Variants in MAP2K4 observed in about 807,000 individuals in gnomAD.
MAP2K4 encodes dual specificity mitogen-activated protein kinase kinase 4.
MAP2K4 carries 4 observed loss-of-function variants against 48.5 expected under a neutral mutation model. The ratio of observed to expected loss-of-function variants is 0.08; its 90% confidence interval spans 0.04 to 0.19. The LOEUF (loss-of-function observed/expected upper bound fraction) is 0.19. Ranked by LOEUF, MAP2K4 falls within the 10% of genes least tolerant of loss-of-function variation. The pLI, the probability that MAP2K4 is intolerant of heterozygous loss-of-function variation, is 1.00. For missense variants in MAP2K4, 258 were observed against 493.3 expected, an observed-to-expected ratio of 0.52 and a Z score of 4.52; for synonymous variants, 166 against 173.1, an observed-to-expected ratio of 0.96 and a Z score of 0.32.
intron 7 of MAP2K4, among the ~76,000 whole-genome samples, chr17:12,116,041 C>T (rs948219207): frequency 1.3e-5 from 2 of 152,198 alleles, no homozygotes; most frequent in East Asian, 3.8e-4. Context: ...GTTACATGAA[C>T]TGTGCACTGA....
intron 8 of MAP2K4, 85 bp from the exon 9 acceptor site, chr17:12,129,054 A>G: frequency 7.5e-7 from 1 of 1,337,082 alleles, no homozygotes; most frequent in East Asian, 2.3e-5. Flanking sequence ...TTTTGCTTGT[A>G]GTTTAGATTT....
chr17:12,117,373 G>C (rs1226273853), intron 7 of MAP2K4, among the ~76,000 whole-genome samples: 4 of 151,910 alleles, frequency 2.6e-5, no homozygotes, highest in African/African-American at 4.8e-5. Flanking sequence ...TCAAAATGCA[G>C]GTGCACCACA....
At chr17:12,118,382 C>T (rs1008498097) in intron 7 of MAP2K4, among the ~76,000 whole-genome samples, 2 of 152,134 alleles carry the variant, frequency 1.3e-5, no homozygotes, top group Admixed American at 6.5e-5. Flanking sequence ...CAAAAGCTTG[C>T]ATCCTTCCTG....
intron 10 of MAP2K4, among the ~76,000 whole-genome samples, chr17:12,140,657 T>TA (rs750219648): frequency 6.6e-6 from 1 of 152,122 alleles, no homozygotes; most frequent in Non-Finnish European, 1.5e-5. Context: ...AGCCTTTTTG[T>TA]TAAAAGGTCA....
intron 6 of MAP2K4, chr17:12,110,631 T>C: frequency 2.0e-6 from 1 of 505,330 alleles, no homozygotes; most frequent in South Asian, 2.9e-5. Context: ...CTTAGTATGT[T>C]GGACTTAGAA....
At chr17:12,104,673 A>T (rs1450551511) in intron 4 of MAP2K4, among the ~76,000 whole-genome samples, 1 of 152,008 alleles carries the variant, frequency 6.6e-6, no homozygotes, top group East Asian at 1.9e-4. Context: ...TTTACATCCA[A>T]ATAGATGTTT....
At chr17:12,022,530 C>G (rs2151503036) in intron 1 of MAP2K4, among the ~76,000 whole-genome samples, 1 of 152,196 alleles carries the variant, frequency 6.6e-6, no homozygotes, top group East Asian at 1.9e-4. Context: ...GGGTGACTTA[C>G]AAAGCTTATA....
chr17:12,067,982 A>C (rs1970669882), intron 2 of MAP2K4, among the ~76,000 whole-genome samples: 1 of 152,172 alleles, frequency 6.6e-6, no homozygotes, highest in Admixed American at 6.5e-5. Flanking sequence ...GGTGGTGAAA[A>C]TGTAGTCAAT....
At chr17:12,139,344 A>G (rs1973304531) in intron 9 of MAP2K4, among the ~76,000 whole-genome samples, 1 of 152,224 alleles carries the variant, frequency 6.6e-6, no homozygotes, top group African/African-American at 2.4e-5. Context: ...ACCAAAGAAC[A>G]TATTGAGATA....
chr17:12,057,585 A>G (rs1016187701), intron 2 of MAP2K4, among the ~76,000 whole-genome samples: 2 of 151,982 alleles, frequency 1.3e-5, no homozygotes, highest in African/African-American at 4.8e-5. Context: ...TTTTTCTGGG[A>G]AAATTGCTGC....
Position 12,113,329 on chromosome 17 carries a change from C to T in MAP2K4, c.782C>T (p.Thr261Ile). 6.2e-7 allele frequency: 1 copy of T among 1,613,748 alleles called. No individual in the cohort carries two copies. The highest frequency in any genetic ancestry group is 8.5e-7 in the Non-Finnish European group (1 of 1,179,744). ...CAGCTTGTGGACTCTATTGCCAAGA[C>T]AAGAGATGCTGGCTGTAGGCCATAC... The part of the protein sequence containing the change: ...SGQLVDSIAK[T>I]RDAGCRPYMA... Residue 261 changes from threonine to isoleucine, a missense_variant, in exon 7 of 11, where the codon ACA (threonine) becomes ATA (isoleucine). Physicochemically the swap from Thr to Ile is moderately conservative, Grantham distance 89 (BLOSUM62 -1). Transcript: ENST00000353533.
intron 4 of MAP2K4, among the ~76,000 whole-genome samples, chr17:12,103,016 A>ATTTTC (rs1301839885): frequency 1.5e-5 from 2 of 133,554 alleles, no homozygotes; most frequent in African/African-American, 5.7e-5. Context: ...CAGTTAAATG[A>ATTTTC]TTTTCTTTTC....
intron 9 of MAP2K4, among the ~76,000 whole-genome samples, chr17:12,138,054 T>A (rs925103524): frequency 6.6e-6 from 1 of 152,112 alleles, no homozygotes; most frequent in African/African-American, 2.4e-5. Context: ...CCACAATAGT[T>A]GCAGGAAAAA....
At chr17:12,045,648 A>T (rs1047504680) in intron 1 of MAP2K4, among the ~76,000 whole-genome samples, 1 of 152,224 alleles carries the variant, frequency 6.6e-6, no homozygotes. Flanking sequence ...TTCTTGTTAC[A>T]TTGTGAGACA....
chr17:12,072,166 G>T (rs1323850041), intron 2 of MAP2K4, among the ~76,000 whole-genome samples: 1 of 152,124 alleles, frequency 6.6e-6, no homozygotes, highest in Non-Finnish European at 1.5e-5. Context: ...AATAGAAATG[G>T]TTAATCCAAA....
intron 10 of MAP2K4, 91 bp from the exon 11 acceptor site, chr17:12,141,056 C>A: frequency 2.6e-6 from 2 of 757,820 alleles, no homozygotes; most frequent in Middle Eastern, 2.3e-4. Flanking sequence ...TGGTTGGGAG[C>A]CTGGAGTTCT....
At chr17:12,048,165 G>A (rs1970025770) in intron 1 of MAP2K4, among the ~76,000 whole-genome samples, 1 of 152,064 alleles carries the variant, frequency 6.6e-6, no homozygotes, top group Non-Finnish European at 1.5e-5. Context: ...ACCATGTCTG[G>A]CCTCACATTT....
intron 3 of MAP2K4, among the ~76,000 whole-genome samples, chr17:12,089,165 G>T (rs761159420): frequency 6.6e-6 from 1 of 152,064 alleles, no homozygotes; most frequent in Non-Finnish European, 1.5e-5. Context: ...ACCTGCCTCG[G>T]CCTCCTAAAG....
At chr17:12,022,954 G>C (rs2151503412) in intron 1 of MAP2K4, among the ~76,000 whole-genome samples, 1 of 151,926 alleles carries the variant, frequency 6.6e-6, no homozygotes, top group East Asian at 1.9e-4. Context: ...AGTGTTCTAG[G>C]AACTCCTAAG....
Sources: gnomAD v4.1 joint callset for allele counts (sites outside exome capture counted in the v4.1 genomes callset) on GRCh38, gnomAD v4.1.1 for gene constraint, MANE v1.5 for transcripts, NCBI Gene and HGNC (gene_info 2026-07-23, HGNC 2026-07-21) for gene names.